ADAM2: variants seen among roughly 807,000 people sequenced by gnomAD.
ADAM2 encodes the protein ADAM metallopeptidase domain 2.
Under a neutral mutation model 99.3 loss-of-function variants are expected in ADAM2, and 101 were observed. That is an observed-to-expected ratio of 1.02 (90% CI 0.87 to 1.20). The LOEUF is 1.20. Ranked by LOEUF, ADAM2 falls within the 50% of genes most tolerant of loss-of-function variation. The pLI is 0.00. For missense variants in ADAM2, 948 were observed against 878.7 expected, an observed-to-expected ratio of 1.08 and a Z score of -1.00; for synonymous variants, 323 against 287.6, an observed-to-expected ratio of 1.12 and a Z score of -1.25.
Position 39,745,830 on chromosome 8 carries a change from A to T in ADAM2, c.2174+642T>A, listed in dbSNP as rs192539393. ...TAAGTATTATTAAGTTAAAATACAT[A>T]TTTAACAAGATCAAATAATAAAAGA... On this transcript the variant is annotated intron_variant, in intron 19 of 20. Coordinates refer to ENST00000265708, the MANE Select transcript of ADAM2 (RefSeq NM_001464.5). 6.6e-4 allele frequency among the ~76,000 whole-genome samples: 101 copies of T among 152,230 alleles called. 2 individuals carry two copies. The Middle Eastern group carries it at 0.014, about 21-fold the overall frequency.
At chr8:39,748,018 C>T (rs541321622) in intron 18 of ADAM2, among the ~76,000 whole-genome samples, 1 of 152,104 alleles carries the variant, frequency 6.6e-6, no homozygotes, top group Non-Finnish European at 1.5e-5. Context: ...AAGAAATTAC[C>T]TCAAGGCTTA....
intron 10 of ADAM2, among the ~76,000 whole-genome samples, chr8:39,784,309 C>T (rs1283966460): frequency 6.6e-6 from 1 of 152,138 alleles, no homozygotes; most frequent in Non-Finnish European, 1.5e-5. Context: ...TTTCTCTGCC[C>T]ATGAGGCACA....
At chr8:39,749,192 T>A in intron 18 of ADAM2, 120 bp downstream of exon 18, 1 of 836,402 alleles carries the variant, frequency 1.2e-6, no homozygotes, top group Non-Finnish European at 1.9e-6. Context: ...CACATTCATG[T>A]GCAGTTTAAT....
At chr8:39,836,088 G>T (rs1805811622) in intron 2 of ADAM2, among the ~76,000 whole-genome samples, 1 of 151,956 alleles carries the variant, frequency 6.6e-6, no homozygotes, top group Non-Finnish European at 1.5e-5. Context: ...CCTGATTAGT[G>T]CACAAAAGCA....
At chr8:39,788,984 G>T (rs1480333373) in intron 7 of ADAM2, among the ~76,000 whole-genome samples, 1 of 150,696 alleles carries the variant, frequency 6.6e-6, no homozygotes, top group African/African-American at 2.4e-5. Flanking sequence ...ATTATAAAAA[G>T]GTATAATTCT....
At chr8:39,784,310 A>G (rs1000643197) in intron 10 of ADAM2, among the ~76,000 whole-genome samples, 9 of 152,194 alleles carry the variant, frequency 5.9e-5, no homozygotes, top group Admixed American at 5.2e-4. Context: ...TTCTCTGCCC[A>G]TGAGGCACAA....
At chr8:39,785,581 A>C (rs1803432828) in intron 10 of ADAM2, among the ~76,000 whole-genome samples, 1 of 152,180 alleles carries the variant, frequency 6.6e-6, no homozygotes, top group Non-Finnish European at 1.5e-5. Context: ...GGATCACATG[A>C]GGTCAGGAGT....
chr8:39,818,341 T>C (rs1426313901), intron 6 of ADAM2, among the ~76,000 whole-genome samples: 1 of 152,052 alleles, frequency 6.6e-6, no homozygotes, highest in Non-Finnish European at 1.5e-5. Context: ...TCAACATACG[T>C]TGCAGAACAA....
chr8:39,793,469 T>C (rs1007743511), intron 7 of ADAM2, among the ~76,000 whole-genome samples: 1 of 152,102 alleles, frequency 6.6e-6, no homozygotes, highest in Non-Finnish European at 1.5e-5. Flanking sequence ...TATTTATCCA[T>C]TGGGAGAATT....
At chr8:39,797,532 G>C (rs1368531892) in intron 7 of ADAM2, among the ~76,000 whole-genome samples, 1 of 151,886 alleles carries the variant, frequency 6.6e-6, no homozygotes, top group African/African-American at 2.4e-5. Context: ...GCTATATGGG[G>C]TCTTCCTTGA....
chr8:39,777,244 A>C (rs1803029419), intron 10 of ADAM2, 83 bp from the exon 11 acceptor site: 16 of 1,096,018 alleles, frequency 1.5e-5, no homozygotes, highest in Middle Eastern at 2.3e-4. Flanking sequence ...AGATCACATG[A>C]TAAAATGGAA....
At chr8:39,772,209 G>T (rs1408473774) in intron 11 of ADAM2, among the ~76,000 whole-genome samples, 1 of 151,104 alleles carries the variant, frequency 6.6e-6, no homozygotes, top group African/African-American at 2.4e-5. Flanking sequence ...TTTGCTGGAT[G>T]CTTTCATTCT....
At chr8:39,775,989 C>T (rs1002971020) in intron 11 of ADAM2, among the ~76,000 whole-genome samples, 11 of 152,076 alleles carry the variant, frequency 7.2e-5, no homozygotes, top group Non-Finnish European at 1.2e-4. Context: ...TACAGGTCTG[C>T]ACTGCAAATC....
chr8:39,799,670 A>G (rs571173166), intron 7 of ADAM2, among the ~76,000 whole-genome samples: 5 of 152,278 alleles, frequency 3.3e-5, no homozygotes, highest in African/African-American at 1.2e-4. Flanking sequence ...TGGGAGTCCA[A>G]GTCTCTTTGT....
chr8:39,784,059 C>A (rs1803350150), intron 10 of ADAM2, among the ~76,000 whole-genome samples: 2 of 152,154 alleles, frequency 1.3e-5, no homozygotes, highest in South Asian at 4.1e-4. Context: ...TAGGAAGGAG[C>A]AGCATTGGAA....
chr8:39,747,871 A>G (rs1352396173), intron 18 of ADAM2, among the ~76,000 whole-genome samples: 1 of 152,176 alleles, frequency 6.6e-6, no homozygotes, highest in African/African-American at 2.4e-5. Context: ...ACCAACTTCA[A>G]CATGTACTAA....
intron 3 of ADAM2, among the ~76,000 whole-genome samples, chr8:39,827,889 G>T (rs1004553879): frequency 6.6e-6 from 1 of 152,018 alleles, no homozygotes. Context: ...CTCAAAAAAG[G>T]TAAGTATTTG....
At chr8:39,822,781 G>A (rs1440112461) in intron 4 of ADAM2, among the ~76,000 whole-genome samples, 1 of 148,864 alleles carries the variant, frequency 6.7e-6, no homozygotes, top group African/African-American at 2.5e-5. Flanking sequence ...TTTGTTTTTT[G>A]CTTTTTATGA....
intron 6 of ADAM2, among the ~76,000 whole-genome samples, chr8:39,811,581 G>A (rs936749971): frequency 2.6e-5 from 4 of 152,124 alleles, no homozygotes; most frequent in African/African-American, 4.8e-5. Flanking sequence ...TATCCACCAC[G>A]ATCAAGCTGG....
Sources: allele counts gnomAD v4.1 joint callset (sites outside exome capture counted in the v4.1 genomes callset), GRCh38; gene constraint gnomAD v4.1.1; transcripts MANE v1.5; gene names NCBI Gene and HGNC (gene_info 2026-07-23, HGNC 2026-07-21).